CHN2: variants seen among roughly 807,000 people sequenced by gnomAD.
The protein encoded by CHN2 is chimerin 2.
CHN2 carries 35 observed loss-of-function variants against 56.3 expected under a neutral mutation model. The ratio of observed to expected loss-of-function variants is 0.62; its 90% CI spans 0.47 to 0.82. CHN2 has a LOEUF of 0.82. Ranked by LOEUF, CHN2 falls within the 40% of genes least tolerant of loss-of-function variation. The pLI, the probability that CHN2 is intolerant of heterozygous loss-of-function variation, is 0.00. For missense variants in CHN2, 491 were observed against 580.5 expected (o/e 0.85, Z 1.58); for synonymous variants, 210 against 212.8 (o/e 0.99, Z 0.12).
intron 1 of CHN2, among the ~76,000 whole-genome samples, chr7:29,229,421 T>C (rs1786492465): frequency 6.6e-6 from 1 of 152,186 alleles, no homozygotes; most frequent in Non-Finnish European, 1.5e-5. Context: ...AAAAAATCAC[T>C]GATGATGTAT....
At chr7:29,329,376 C>CAAAAAAAAAAAAAA (rs10667833) in intron 1 of CHN2, among the ~76,000 whole-genome samples, 1 of 37,246 alleles carries the variant, frequency 2.7e-5, no homozygotes, top group African/African-American at 1.0e-4. Flanking sequence ...TCAGATAAGG[C>CAAAAAAAAAAAAAA]AAAAAAAAAA....
intron 9 of CHN2, among the ~76,000 whole-genome samples, chr7:29,502,507 T>C (rs1790076861): frequency 6.6e-6 from 1 of 152,168 alleles, no homozygotes; most frequent in African/African-American, 2.4e-5. Flanking sequence ...AAAGGTTCCA[T>C]TACAACAGAA....
chr7:29,468,136 A>G (rs1157080086), intron 6 of CHN2, among the ~76,000 whole-genome samples: 4 of 36,136 alleles, frequency 1.1e-4, no homozygotes, highest in East Asian at 1.0e-3. Context: ...AACCAAACGG[A>G]CCCGCCCCCC....
At chr7:29,501,087 TTATACA>T (rs1190537415) in intron 9 of CHN2, among the ~76,000 whole-genome samples, 3 of 145,890 alleles carry the variant, frequency 2.1e-5, no homozygotes, top group Non-Finnish European at 4.5e-5. Flanking sequence ...TTAATATATT[TTATACA>T]TATATATTCA....
chr7:29,252,584 T>G (rs1353609755), intron 1 of CHN2, among the ~76,000 whole-genome samples: 3 of 22,410 alleles, frequency 1.3e-4, no homozygotes, highest in African/African-American at 3.5e-4. Flanking sequence ...CTTTGTTTTT[T>G]TTTTTTTTTT....
At chr7:29,479,708 G>A (rs554903392) in intron 6 of CHN2, 13 of 1,077,794 alleles carry the variant, frequency 1.2e-5, no homozygotes, top group Non-Finnish European at 1.5e-5. Flanking sequence ...GGGTGTGTGC[G>A]CTGGTGTGTT....
chr7:29,413,970 G>GT (rs1223877537), intron 6 of CHN2, among the ~76,000 whole-genome samples: 1 of 152,180 alleles, frequency 6.6e-6, no homozygotes, highest in Non-Finnish European at 1.5e-5. Flanking sequence ...GAAGAGATGT[G>GT]TTCATTACAC....
intron 1 of CHN2, among the ~76,000 whole-genome samples, chr7:29,229,347 A>G (rs1311391333): frequency 6.6e-6 from 1 of 152,200 alleles, no homozygotes; most frequent in African/African-American, 2.4e-5. Context: ...CACTTGGATT[A>G]CAAAGTCTGG....
At chr7:29,256,038 G>T (rs149758973) in intron 1 of CHN2, among the ~76,000 whole-genome samples, 1,627 of 152,308 alleles carry the variant, frequency 0.011, 35 homozygotes, top group African/African-American at 0.037. Context: ...ACATTTCTCA[G>T]ACAAGAGTGA....
At chr7:29,443,837 C>T (rs959724894) in intron 6 of CHN2, among the ~76,000 whole-genome samples, 10 of 152,182 alleles carry the variant, frequency 6.6e-5, no homozygotes, top group African/African-American at 1.9e-4. Flanking sequence ...ATGTTCCCTC[C>T]ACTCACATTT....
intron 6 of CHN2, among the ~76,000 whole-genome samples, chr7:29,464,022 T>G (rs1785373031): frequency 6.6e-6 from 1 of 152,178 alleles, no homozygotes; most frequent in African/African-American, 2.4e-5. Context: ...CCTTTTCCAC[T>G]CCCCACAGTG....
chr7:29,383,416 C>T (rs934442202), intron 3 of CHN2, among the ~76,000 whole-genome samples: 1 of 152,092 alleles, frequency 6.6e-6, no homozygotes, highest in African/African-American at 2.4e-5. Context: ...TACAACCTTC[C>T]TCTGCCTCTT....
At chr7:29,408,555 T>C (rs1466619421) in intron 6 of CHN2, among the ~76,000 whole-genome samples, 3 of 152,222 alleles carry the variant, frequency 2.0e-5, no homozygotes, top group Non-Finnish European at 4.4e-5. Flanking sequence ...CTCTGGTGGC[T>C]ACAGTTACCT....
At chr7:29,370,672 TTCAA>T (rs1799538258) in intron 3 of CHN2, among the ~76,000 whole-genome samples, 2 of 152,104 alleles carry the variant, frequency 1.3e-5, no homozygotes, top group Non-Finnish European at 2.9e-5. Flanking sequence ...GACCTGCCAG[TTCAA>T]CGTGATAAAT....
intron 3 of CHN2, among the ~76,000 whole-genome samples, chr7:29,381,432 G>C (rs1311311801): frequency 6.6e-6 from 1 of 152,158 alleles, no homozygotes; most frequent in African/African-American, 2.4e-5. Flanking sequence ...ATGGAGCCAA[G>C]GAATCACGGT....
intron 6 of CHN2, among the ~76,000 whole-genome samples, chr7:29,417,005 C>T (rs948046751): frequency 1.1e-4 from 17 of 152,112 alleles, no homozygotes; most frequent in Admixed American, 2.6e-4. Context: ...GTGGCTGAGC[C>T]CTCCTAAGCC....
chr7:29,201,352 C>T (rs1784144020), intron 1 of CHN2, among the ~76,000 whole-genome samples: 1 of 152,102 alleles, frequency 6.6e-6, no homozygotes, highest in South Asian at 2.1e-4. Flanking sequence ...CATTAATGCT[C>T]CCCCCACCCA....
intron 5 of CHN2, among the ~76,000 whole-genome samples, chr7:29,399,793 T>C (rs1204461442): frequency 6.6e-6 from 1 of 152,148 alleles, no homozygotes; most frequent in African/African-American, 2.4e-5. Flanking sequence ...AGGACGAACT[T>C]AAAAAGCTAT....
At chr7:29,179,056 T>C (rs1259532048) in intron 2 of CHN2, among the ~76,000 whole-genome samples, 2 of 152,206 alleles carry the variant, frequency 1.3e-5, no homozygotes, top group Non-Finnish European at 2.9e-5. Flanking sequence ...CCAGCATCTC[T>C]CTTGGTGTCA....
Sources: gnomAD v4.1 joint callset for allele counts (sites outside exome capture counted in the v4.1 genomes callset) on GRCh38, gnomAD v4.1.1 for gene constraint, MANE v1.5 for transcripts, NCBI Gene and HGNC (gene_info 2026-07-23, HGNC 2026-07-21) for gene names.